SRPK2: variants seen among roughly 807,000 people sequenced by gnomAD.
SRPK2 encodes SRSF protein kinase 2.
In SRPK2, 21 loss-of-function variants were observed where a neutral mutation model predicts 90.8. The observed-to-expected ratio is 0.23, with a 90% CI of 0.16 to 0.33. The LOEUF is 0.33. Among genes scored for constraint, SRPK2 ranks in the 10% least tolerant of loss-of-function variants. SRPK2 has a pLI of 1.00. For synonymous variants in SRPK2, 288 were observed against 311.1 expected, an observed-to-expected ratio of 0.93 and a Z score of 0.78; for missense variants, 620 against 869.0, an observed-to-expected ratio of 0.71 and a Z score of 3.60.
At chr7:105,396,142 C>T (rs972054192) in intron 1 of SRPK2, among the ~76,000 whole-genome samples, 2 of 151,634 alleles carry the variant, frequency 1.3e-5, no homozygotes, top group South Asian at 2.1e-4. Context: ...CTCGAACTCC[C>T]GACCTCAGGT....
chr7:105,116,188 T>C (rs1194245459), downstream of SRPK2, among the ~76,000 whole-genome samples: 4 of 152,170 alleles, frequency 2.6e-5, no homozygotes, highest in Non-Finnish European at 5.9e-5. Flanking sequence ...ATCTATACTG[T>C]AGCTTTTCTC....
At chr7:105,368,695 C>T (rs1819356623) in intron 2 of SRPK2, among the ~76,000 whole-genome samples, 1 of 151,928 alleles carries the variant, frequency 6.6e-6, no homozygotes, top group Non-Finnish European at 1.5e-5. Context: ...GACCAGCCTG[C>T]CAACATGATG....
intron 7 of SRPK2, 57 bp from the exon 8 acceptor site, chr7:105,146,715 T>C (rs1285738211): frequency 6.5e-7 from 1 of 1,532,658 alleles, no homozygotes; most frequent in East Asian, 2.3e-5. Flanking sequence ...TTATATAACT[T>C]TTATTTATTT....
intron 9 of SRPK2, 75 bp downstream of exon 9, chr7:105,145,208 T>C: frequency 8.1e-7 from 1 of 1,230,820 alleles, no homozygotes; most frequent in Non-Finnish European, 1.1e-6. Context: ...ACAACTTTTT[T>C]ATAATTTGAA....
chr7:105,368,606 T>C (rs971428113), intron 2 of SRPK2, among the ~76,000 whole-genome samples: 12 of 152,084 alleles, frequency 7.9e-5, no homozygotes, highest in African/African-American at 2.9e-4. Context: ...CACGCTCTGC[T>C]GGCCACGGCG....
At chr7:105,356,229 T>G (rs1291470860) in intron 2 of SRPK2, among the ~76,000 whole-genome samples, 2 of 152,080 alleles carry the variant, frequency 1.3e-5, no homozygotes, top group Non-Finnish European at 2.9e-5. Flanking sequence ...CAAATCCTCA[T>G]GCAAAGGCCC....
At chr7:105,230,335 C>A (rs1203304636) in intron 2 of SRPK2, among the ~76,000 whole-genome samples, 1 of 152,162 alleles carries the variant, frequency 6.6e-6, no homozygotes, top group Non-Finnish European at 1.5e-5. Context: ...AGCTGGGCAG[C>A]AGCAGGGCAT....
At chr7:105,201,086 G>A (rs190914996) in intron 3 of SRPK2, among the ~76,000 whole-genome samples, 2 of 152,246 alleles carry the variant, frequency 1.3e-5, no homozygotes, top group Admixed American at 6.5e-5. Flanking sequence ...CCTGGCAGAG[G>A]GTGAGGGGAT....
chr7:105,137,144 C>T (rs776073080), intron 11 of SRPK2, among the ~76,000 whole-genome samples: 20 of 152,118 alleles, frequency 1.3e-4, no homozygotes, highest in East Asian at 1.9e-4. Context: ...GCAAAGGACA[C>T]GGGAAGTACA....
chr7:105,324,843 C>T lies in SRPK2; in HGVS notation c.71+63805G>A, dbSNP rs527783177. The stretch of plus-strand genomic sequence containing the variant: ...CGGAGGTTGCAGTGAGTCAAGATTG[C>T]GCCACTGCACTCCAGCCTGGGTGGC... On this transcript the variant is annotated intron_variant, in intron 2 of 15. Coordinates refer to ENST00000393651, the MANE Select transcript of SRPK2 (RefSeq NM_182692.3). Among the ~76,000 whole-genome samples, 66 of 152,136 alleles carry T rather than the reference C, an allele frequency of 4.3e-4. 1 individual carries two copies. The South Asian group carries it at 0.012, about 27-fold the overall frequency.
chr7:105,121,321 G>C (rs1395347157), intron 15 of SRPK2, among the ~76,000 whole-genome samples: 1 of 149,990 alleles, frequency 6.7e-6, no homozygotes, highest in East Asian at 1.9e-4. Context: ...CTCCAGCCTA[G>C]GCAACAGAGT....
intron 2 of SRPK2, among the ~76,000 whole-genome samples, chr7:105,290,337 T>C (rs904973723): frequency 2.7e-5 from 4 of 148,330 alleles, no homozygotes; most frequent in East Asian, 3.9e-4. Context: ...AAAAAATATA[T>C]ATAAAAAATT....
At chr7:105,346,948 G>A (rs1554517779) in intron 2 of SRPK2, among the ~76,000 whole-genome samples, 2 of 151,244 alleles carry the variant, frequency 1.3e-5, no homozygotes, top group Non-Finnish European at 2.9e-5. Context: ...GAAAATCAAG[G>A]ACTTACTAAA....
intron 3 of SRPK2, among the ~76,000 whole-genome samples, chr7:105,183,400 T>C (rs1024145928): frequency 3.3e-5 from 5 of 152,308 alleles, no homozygotes; most frequent in South Asian, 2.1e-4. Context: ...TTAAATGCAC[T>C]TGGGGATCAG....
At chr7:105,325,778 C>T (rs924218617) in intron 2 of SRPK2, among the ~76,000 whole-genome samples, 1 of 152,128 alleles carries the variant, frequency 6.6e-6, no homozygotes, top group Non-Finnish European at 1.5e-5. Context: ...CACCTGAGCC[C>T]AGGAGGTCAA....
intron 7 of SRPK2, among the ~76,000 whole-genome samples, chr7:105,147,721 G>A (rs1393511516): frequency 6.6e-6 from 1 of 152,108 alleles, no homozygotes; most frequent in Non-Finnish European, 1.5e-5. Flanking sequence ...CTAACCCTTA[G>A]CAACCACTAA....
intron 3 of SRPK2, among the ~76,000 whole-genome samples, chr7:105,195,509 A>G (rs1028089204): frequency 1.3e-5 from 2 of 152,224 alleles, no homozygotes; most frequent in African/African-American, 4.8e-5. Context: ...TATCCTCTAC[A>G]TGATGCTCCC....
At chr7:105,215,002 T>C (rs1310934928) in intron 2 of SRPK2, among the ~76,000 whole-genome samples, 1 of 152,230 alleles carries the variant, frequency 6.6e-6, no homozygotes, top group Non-Finnish European at 1.5e-5. Flanking sequence ...TGAAGACCAA[T>C]GGAACAGAAT....
intron 2 of SRPK2, chr7:105,301,513 G>C: frequency 7.2e-7 from 1 of 1,381,844 alleles, no homozygotes; most frequent in Middle Eastern, 2.5e-4. Flanking sequence ...CCCCGCAACC[G>C]GTGTGACGAG....
Sources: gnomAD v4.1 joint callset for allele counts (sites outside exome capture counted in the v4.1 genomes callset) on GRCh38, gnomAD v4.1.1 for gene constraint, MANE v1.5 for transcripts, NCBI Gene and HGNC (gene_info 2026-07-23, HGNC 2026-07-21) for gene names.